HDAC4: variants seen among roughly 807,000 people sequenced by gnomAD.
HDAC4 encodes the protein histone deacetylase A.
Under a neutral mutation model 135.1 loss-of-function variants are expected in HDAC4, and 16 were observed. The ratio of observed to expected loss-of-function variants is 0.12; its 90% CI spans 0.08 to 0.18. HDAC4 has a LOEUF of 0.18. Among genes scored for constraint, HDAC4 ranks in the 10% least tolerant of loss-of-function variants. The pLI is 1.00. For synonymous variants in HDAC4, 685 were observed against 653.4 expected, an observed-to-expected ratio of 1.05 and a Z score of -0.74; for missense variants, 1,143 against 1,511.8, an observed-to-expected ratio of 0.76 and a Z score of 4.05.
chr2:239,050,288 C>CCAT lies in HDAC4; in HGVS notation c.*2806_*2808dup, dbSNP rs1411444226. ...TGGCCACTGAGCAGTCCATGTTATC[C>CCAT]CATCATCTGCTTAAAAAAAAAAAGT... On this transcript the variant is annotated 3_prime_UTR_variant, in exon 27 of 27. Coordinates refer to ENST00000543185, the MANE Select transcript of HDAC4 (RefSeq NM_001378414.1). 2 of 152,158 alleles carry CCAT rather than the reference C, an allele frequency of 1.3e-5. No individual in the cohort carries two copies. Among genetic ancestry groups the CCAT allele is most frequent in the African/African-American group, 4.8e-5 (2 of 41,418 alleles). 9.4% of individuals were successfully genotyped at this position (152,158 alleles called of 1,614,324 possible). A position where few individuals can be genotyped will look rare whatever the true frequency, so the allele number is the denominator to read the frequency against.
intron 3 of HDAC4, among the ~76,000 whole-genome samples, chr2:239,225,610 G>A (rs957425421): frequency 3.3e-5 from 5 of 152,234 alleles, no homozygotes; most frequent in East Asian, 1.9e-4. Flanking sequence ...AAGGCAGGTC[G>A]GCAGGGGAGG....
Position 239,095,041 on chromosome 2 carries a change from A to G in HDAC4, c.2249T>C (p.Val750Ala). Residue 750 changes from valine to alanine, a missense_variant, in exon 17 of 27, where the codon GTG becomes GCG. Around this residue, in one of 9 missense-constraint regions of HDAC4, gnomAD observed 49 missense variants for 55.6 expected, o/e 0.88. Coordinates refer to ENST00000543185, the MANE Select transcript of HDAC4 (RefSeq NM_001378414.1). ...SKKLLGSLAS[V>A]FVRLPCGGVG... is the part of the protein sequence containing the mutation. Reference sequence around the variant, plus strand: ...ACCACCGCAAGGGAGCCGGACGAACACGGAGGCGAGCGAGCCTGTGGGGGG... The same window carrying G: ...ACCACCGCAAGGGAGCCGGACGAACGCGGAGGCGAGCGAGCCTGTGGGGGG... 1 of 1,613,104 alleles carries G rather than the reference A, an allele frequency of 6.2e-7. No homozygotes were observed. Among genetic ancestry groups the G allele is most frequent in the Admixed American group, 1.7e-5 (1 of 60,024 alleles).
intron 1 of HDAC4, among the ~76,000 whole-genome samples, chr2:239,371,891 C>T (rs542288013): frequency 3.9e-5 from 6 of 152,370 alleles, no homozygotes; most frequent in South Asian, 2.1e-4. Context: ...GGACCCAAAA[C>T]AGTGAAGAGC....
chr2:239,258,065 G>A (rs1310102435), intron 2 of HDAC4, among the ~76,000 whole-genome samples: 1 of 152,146 alleles, frequency 6.6e-6, no homozygotes, highest in Non-Finnish European at 1.5e-5. Flanking sequence ...TTAAAGAAAT[G>A]ATGATTTCTA....
chr2:239,345,706 ACCCT>A (rs1692579803), intron 2 of HDAC4, among the ~76,000 whole-genome samples: 1 of 151,112 alleles, frequency 6.6e-6, no homozygotes, highest in African/African-American at 2.4e-5. Flanking sequence ...ACATGCACTC[ACCCT>A]AACACACACA....
At chr2:239,087,900 G>A (rs1206718442) in intron 18 of HDAC4, among the ~76,000 whole-genome samples, 1 of 152,156 alleles carries the variant, frequency 6.6e-6, no homozygotes, top group Non-Finnish European at 1.5e-5. Context: ...AACTGTCGGT[G>A]AGGCGTGGTG....
intron 12 of HDAC4, among the ~76,000 whole-genome samples, chr2:239,125,747 G>A (rs2040141188): frequency 6.6e-6 from 1 of 152,320 alleles, no homozygotes. Context: ...TCCTCTTCAC[G>A]AGCATCACAG....
At chr2:239,316,777 A>C (rs1221289286) in intron 2 of HDAC4, among the ~76,000 whole-genome samples, 1 of 152,190 alleles carries the variant, frequency 6.6e-6, no homozygotes, top group East Asian at 1.9e-4. Flanking sequence ...CCACCCAGGA[A>C]AGAAAGGGTA....
At position 239,115,114 on chromosome 2, in the gene HDAC4, G is replaced by A. The variant is rs767884681; in HGVS notation, c.1730C>T (p.Pro577Leu). 5 of 1,611,722 alleles carry A rather than the reference G, an allele frequency of 3.1e-6. No homozygotes were observed. The highest frequency in any genetic ancestry group is 1.3e-5 in the African/African-American group (1 of 74,936). The change falls in exon 13 of 27, where the codon CCC (proline) becomes CTC (leucine). Residue 577 changes from proline (P) to leucine (L), a missense_variant. By Grantham distance (98) the Pro-to-Leu change is moderately conservative. Transcript: ENST00000543185. This position sits in a 1 kb window ranked among gnomAD's most constrained non-coding sequence, Gnocchi z 6.3. ...CTGGCCCGGCTCCACCTCCCGTGGG[G>A]GCTCTGCCTCTTCCTCATCGCTCTC... ...PIESDEEEAEPPREVEPGQRQ... is the reference protein window; with the variant it reads ...PIESDEEEAELPREVEPGQRQ...
chr2:239,054,895 G>T, intron 24 of HDAC4, 62 bp from the exon 25 acceptor site: 8 of 1,126,596 alleles, frequency 7.1e-6, no homozygotes, highest in Non-Finnish European at 8.1e-6. Flanking sequence ...CGTTAGACGG[G>T]TGTTCCGAGA....
chr2:239,301,264 C>T (rs2052240577), intron 2 of HDAC4, among the ~76,000 whole-genome samples: 5 of 152,122 alleles, frequency 3.3e-5, no homozygotes, highest in African/African-American at 9.7e-5. Flanking sequence ...CCAGCCACGA[C>T]GAGGGGCGAT....
At chr2:239,256,640 T>C (rs1371537981) in intron 2 of HDAC4, among the ~76,000 whole-genome samples, 1 of 152,248 alleles carries the variant, frequency 6.6e-6, no homozygotes, top group Admixed American at 6.5e-5. Context: ...GGGCATACCC[T>C]TGTCTGTTTT....
At chr2:239,159,491 CCCCACACA>C (rs1159220034) in intron 6 of HDAC4, among the ~76,000 whole-genome samples, 9 of 148,106 alleles carry the variant, frequency 6.1e-5, no homozygotes, top group African/African-American at 1.7e-4. Flanking sequence ...CCCACCCACA[CCCCACACA>C]CCCACACTTC....
chr2:239,354,562 ATTTTTTTTT>A (rs566361037), intron 1 of HDAC4, among the ~76,000 whole-genome samples: 6 of 76,588 alleles, frequency 7.8e-5, no homozygotes, highest in Admixed American at 1.8e-4. Flanking sequence ...TAGTCTAGAA[ATTTTTTTTT>A]TTTTTTTTTT....
At chr2:239,130,994 C>T (rs2040539902) in intron 11 of HDAC4, among the ~76,000 whole-genome samples, 1 of 152,228 alleles carries the variant, frequency 6.6e-6, no homozygotes, top group Admixed American at 6.5e-5. Context: ...TCCTGAGCTC[C>T]ACTCCCCGCC....
intron 3 of HDAC4, among the ~76,000 whole-genome samples, chr2:239,233,904 G>C (rs2047739343): frequency 6.6e-6 from 1 of 152,170 alleles, no homozygotes; most frequent in South Asian, 2.1e-4. Flanking sequence ...AATGTCTAAA[G>C]AATAGTTAAG....
rs2030636095 is a variant in HDAC4 at position 239,050,289 on chromosome 2, C to T, written c.*2808G>A. 6.6e-6 allele frequency: 1 copy of T among 152,212 alleles called. No homozygotes were observed. The highest frequency in any genetic ancestry group is 1.5e-5 in the Non-Finnish European group (1 of 68,050). The allele number at this position is 152,212 out of a possible 1,614,324, so 9.4% of individuals were successfully genotyped here. On this transcript the variant is annotated 3_prime_UTR_variant, in exon 27 of 27. Coordinates refer to ENST00000543185, the MANE Select transcript of HDAC4 (RefSeq NM_001378414.1). The stretch of plus-strand genomic sequence containing the variant: ...GGCCACTGAGCAGTCCATGTTATCC[C>T]ATCATCTGCTTAAAAAAAAAAAGTG...
chr2:239,189,523 T>C (rs2044767346), intron 4 of HDAC4, among the ~76,000 whole-genome samples: 1 of 152,242 alleles, frequency 6.6e-6, no homozygotes, highest in South Asian at 2.1e-4. Flanking sequence ...GCTTCTTCCC[T>C]TTGGTAGCTT....
chr2:239,130,623 T>C (rs1356454350), intron 11 of HDAC4, among the ~76,000 whole-genome samples: 1 of 139,258 alleles, frequency 7.2e-6, no homozygotes, highest in Non-Finnish European at 1.7e-5. Flanking sequence ...CCACGAGGCA[T>C]ACACATCTCC....
Sources: allele counts gnomAD v4.1 joint callset (sites outside exome capture counted in the v4.1 genomes callset), GRCh38; gene constraint gnomAD v4.1.1; regional missense constraint gnomAD v4.1.1; non-coding constraint Gnocchi (gnomAD v3.1); transcripts MANE v1.5; gene names NCBI Gene and HGNC (gene_info 2026-07-23, HGNC 2026-07-21).